The following TMEM156 variants were observed in gnomAD, a reference collection of about 807,000 sequenced individuals.
The protein encoded by TMEM156 is transmembrane protein 156.
A neutral mutation model predicts 30.5 loss-of-function variants in TMEM156; 28 were observed. That is an observed-to-expected ratio of 0.92 (90% confidence interval 0.68 to 1.26). The LOEUF is 1.26. Among genes scored for constraint, TMEM156 ranks in the 50% most tolerant of loss-of-function variants. The pLI, the probability that TMEM156 is intolerant of heterozygous loss-of-function variation, is 0.00. For missense variants in TMEM156, 351 were observed against 340.6 expected (o/e 1.03, Z -0.24); for synonymous variants, 137 against 119.9 (o/e 1.14, Z -0.93).
intron 5 of TMEM156, among the ~76,000 whole-genome samples, chr4:38,979,545 T>C (rs1281295781): frequency 2.0e-5 from 3 of 152,218 alleles, no homozygotes; most frequent in African/African-American, 7.2e-5. Flanking sequence ...CCAGGGGGCA[T>C]GCACAGAATT....
intron 1 of TMEM156, among the ~76,000 whole-genome samples, chr4:39,016,752 T>C (rs113022723): frequency 0.025 from 3,828 of 152,336 alleles, 155 homozygotes; most frequent in African/African-American, 0.088. Context: ...CAGAGAAGTA[T>C]ATTAAAGATT....
rs1462245741 is a variant in TMEM156, at chr4:38,986,199, G to T, written c.823+137C>A. The T allele has an allele frequency of 4.7e-6, 3 of 631,954 alleles. No homozygotes were observed. In the African/African-American group the frequency reaches 5.5e-5, roughly 12 times the overall value. 39.1% of individuals were successfully genotyped at this position (631,954 alleles called of 1,614,324 possible). A position where few individuals can be genotyped will look rare whatever the true frequency, so the allele number is the denominator to read the frequency against. ...AGACATATTAAACTGGATTTCATTT[G>T]CCCACAGCTCTGTTATTCCAGATAC... is the stretch of plus-strand genomic sequence containing the variant. On this transcript the variant is annotated intron_variant, in intron 5 of 6. Coordinates refer to ENST00000381938, the MANE Select transcript of TMEM156 (RefSeq NM_024943.3).
intron 1 of TMEM156, among the ~76,000 whole-genome samples, chr4:39,012,816 G>A (rs1177375979): frequency 1.3e-5 from 2 of 152,110 alleles, no homozygotes; most frequent in African/African-American, 4.8e-5. Flanking sequence ...GCAGGTGCCT[G>A]TAATCCCAGC....
intron 4 of TMEM156, among the ~76,000 whole-genome samples, chr4:38,988,220 C>A (rs188423138): frequency 1.1e-3 from 167 of 152,194 alleles, no homozygotes; most frequent in African/African-American, 3.8e-3. Flanking sequence ...TCAAGATCTC[C>A]AACTCTGAAA....
At chr4:38,970,343 A>G (rs1579446881) in intron 6 of TMEM156, among the ~76,000 whole-genome samples, 1 of 152,108 alleles carries the variant, frequency 6.6e-6, no homozygotes, top group Non-Finnish European at 1.5e-5. Flanking sequence ...AAATTATTCA[A>G]TTTGAGTGCA....
At chr4:38,996,303 A>C (rs1712928368) in intron 2 of TMEM156, among the ~76,000 whole-genome samples, 1 of 151,416 alleles carries the variant, frequency 6.6e-6, no homozygotes, top group African/African-American at 2.4e-5. Flanking sequence ...TCACACCTGT[A>C]ATCCCAATAC....
At chr4:39,031,905 A>T (rs2381287) in intron 1 of TMEM156, among the ~76,000 whole-genome samples, 1 of 129,254 alleles carries the variant, frequency 7.7e-6, no homozygotes, top group Non-Finnish European at 1.6e-5. Context: ...AAATAAAAAA[A>T]TAAAAAAAAA....
chr4:39,023,068 A>T lies in TMEM156; in HGVS notation c.88+9158T>A, dbSNP rs9991359. Among the ~76,000 whole-genome samples, 975 of 152,304 alleles carry T rather than the reference A, an allele frequency of 6.4e-3. 17 individuals carry two copies. Among genetic ancestry groups the T allele is most frequent in the African/African-American group, 0.022 (916 of 41,564 alleles). On this transcript the variant is annotated intron_variant, in intron 1 of 6. Coordinates refer to ENST00000381938, the MANE Select transcript of TMEM156 (RefSeq NM_024943.3). ...GGGGTCTGTGGGAGGTAATTAGGTC[A>T]TGAGAGTGGAGAGCTAATGGATGGG...
rs1722674534 is a variant in TMEM156 at position 38,972,905 on chromosome 4, T to A, written c.824-1768A>T. On this transcript the variant is annotated intron_variant, in intron 5 of 6. Transcript: ENST00000381938. ...TTTTTTCTTAGCTTGTGATAGTTTT[T>A]TTGCTGTGTACATTTTTTTCCACAT... Among the ~76,000 whole-genome samples, 4 of 152,240 alleles carry A rather than the reference T, an allele frequency of 2.6e-5. No individual in the cohort carries two copies. In the South Asian group the frequency reaches 8.3e-4, roughly 31 times the overall value.
chr4:39,017,324 G>A (rs2711966), intron 1 of TMEM156, among the ~76,000 whole-genome samples: 2,948 of 151,556 alleles, frequency 0.019, 89 homozygotes, highest in African/African-American at 0.064. Context: ...ACAGGTGCCC[G>A]CCACCACGCC....
At chr4:39,028,036 G>A (rs1484612912) in intron 1 of TMEM156, among the ~76,000 whole-genome samples, 5 of 151,750 alleles carry the variant, frequency 3.3e-5, no homozygotes, top group Non-Finnish European at 5.9e-5. Flanking sequence ...GGATTACACC[G>A]CGCCTGGCCC....
At chr4:38,999,041 G>GT in intron 1 of TMEM156, 132 bp from the exon 2 acceptor site, 1 of 496,702 alleles carries the variant, frequency 2.0e-6, no homozygotes, top group Non-Finnish European at 3.3e-6. Flanking sequence ...AGACAAGACT[G>GT]TTTTTTAAAC....
At position 38,996,076 on chromosome 4, in the gene TMEM156, A is replaced by T. The variant is rs1395220821; in HGVS notation, c.359-2078T>A. On this transcript the variant is annotated intron_variant, in intron 2 of 6. Coordinates refer to ENST00000381938, the MANE Select transcript of TMEM156 (RefSeq NM_024943.3). ...ACACATCAGGAACTCCTATAACTCA[A>T]TTGCAAAAAATATATATATCAAATA... Among the ~76,000 whole-genome samples, 3 of 152,286 alleles carry T rather than the reference A, an allele frequency of 2.0e-5. No homozygotes were observed. In the East Asian group the frequency reaches 5.8e-4, roughly 29 times the overall value.
chr4:38,993,889 G>A lies in TMEM156; in HGVS notation c.468C>T (p.Asn156=). Residue 156 remains asparagine, a synonymous_variant, in exon 3 of 7, where the codon AAC becomes AAT. Transcript: ENST00000381938. ...TGTGGTTTTTTAGATGACAGGTAGT[G>A]TTATATTCCTCCAAGTGGTCAACCA... is the stretch of plus-strand genomic sequence containing the variant. ...APLVDHLEEY[N]TTCHLKNHTG... 1 of 1,614,130 alleles carries A rather than the reference G, an allele frequency of 6.2e-7. No individual in the cohort carries two copies. The highest frequency in any genetic ancestry group is 1.1e-5 in the South Asian group (1 of 91,084).
intron 1 of TMEM156, among the ~76,000 whole-genome samples, chr4:39,002,837 G>A (rs1481124322): frequency 2.0e-5 from 3 of 148,820 alleles, no homozygotes; most frequent in African/African-American, 5.0e-5. Flanking sequence ...TGAACAATGA[G>A]AACACATGGA....
At position 39,028,965 on chromosome 4, in the gene TMEM156, T is replaced by C. The variant is rs545407648; in HGVS notation, c.88+3261A>G. On this transcript the variant is annotated intron_variant, in intron 1 of 6. Transcript: ENST00000381938. The stretch of plus-strand genomic sequence containing the variant: ...ACACAGTGTTGAAGTAGCTCCCTTT[T>C]TTGGTAAAGTTAGACTAAATAGCTT... 2.6e-5 allele frequency among the ~76,000 whole-genome samples: 4 copies of C among 152,332 alleles called. No individual in the cohort carries two copies. In the East Asian group the frequency reaches 7.7e-4, roughly 29 times the overall value.
chr4:38,985,010 G>A (rs964220929), intron 5 of TMEM156, among the ~76,000 whole-genome samples: 2 of 151,972 alleles, frequency 1.3e-5, no homozygotes, highest in Non-Finnish European at 2.9e-5. Context: ...GGGAACTATA[G>A]ACTTTTTCTC....
At chr4:38,977,870 C>T (rs543272478) in intron 5 of TMEM156, among the ~76,000 whole-genome samples, 1 of 152,134 alleles carries the variant, frequency 6.6e-6, no homozygotes, top group African/African-American at 2.4e-5. Flanking sequence ...CAAATAAAGC[C>T]CCTATCACAC....
chr4:39,014,213 T>C (rs543527420), intron 1 of TMEM156, among the ~76,000 whole-genome samples: 3 of 152,342 alleles, frequency 2.0e-5, no homozygotes, highest in Admixed American at 6.5e-5. Flanking sequence ...CGAGTCAATC[T>C]GCCATGTATT....
Sources: allele counts gnomAD v4.1 joint callset (sites outside exome capture counted in the v4.1 genomes callset), GRCh38; gene constraint gnomAD v4.1.1; transcripts MANE v1.5; gene names NCBI Gene and HGNC (gene_info 2026-07-23, HGNC 2026-07-21).